The following GABRG1 variants were observed in gnomAD, a reference collection of about 807,000 sequenced individuals.
The protein encoded by GABRG1 is gamma-aminobutyric acid receptor subunit gamma-1.
A neutral mutation model predicts 49.8 loss-of-function variants in GABRG1; 49 were observed. That is an observed-to-expected ratio of 0.98 (90% CI 0.78 to 1.25). The LOEUF (loss-of-function observed/expected upper bound fraction) is 1.25. GABRG1 is among the 50% of genes most tolerant of loss of function. The pLI, the probability that GABRG1 is intolerant of heterozygous loss-of-function variation, is 0.00. For missense variants in GABRG1, 552 were observed against 552.3 expected (o/e 1.00, Z 0.01); for synonymous variants, 232 against 185.1 (o/e 1.25, Z -2.06).
intron 1 of GABRG1, among the ~76,000 whole-genome samples, chr4:46,109,007 C>A (rs1479484727): frequency 6.6e-6 from 1 of 150,890 alleles, no homozygotes; most frequent in Non-Finnish European, 1.5e-5. Context: ...ATGCTCAAAA[C>A]CCTGGATCTT....
chr4:46,082,280 G>C (rs920921333), intron 3 of GABRG1, among the ~76,000 whole-genome samples: 1 of 151,422 alleles, frequency 6.6e-6, no homozygotes, highest in Non-Finnish European at 1.5e-5. Flanking sequence ...CATTCTAAAT[G>C]GTCTTTTCTT....
intron 8 of GABRG1, among the ~76,000 whole-genome samples, chr4:46,048,738 AAATGAAAGAAAGAG>A (rs1435226316): frequency 1.0e-3 from 157 of 151,898 alleles, no homozygotes; most frequent in Admixed American, 3.0e-3. Context: ...CAAAAAAGAC[AAATGAAAGAAAGAG>A]AATGAAAGAA....
intron 5 of GABRG1, among the ~76,000 whole-genome samples, chr4:46,062,550 T>G (rs1718738046): frequency 6.6e-6 from 1 of 152,192 alleles, no homozygotes; most frequent in South Asian, 2.1e-4. Context: ...GTTTCCTGAC[T>G]TTTTAATGAT....
intron 1 of GABRG1, among the ~76,000 whole-genome samples, chr4:46,110,406 C>A (rs1437185649): frequency 2.0e-5 from 3 of 150,958 alleles, no homozygotes; most frequent in Admixed American, 1.3e-4. Context: ...GGCATTACTA[C>A]CTCTGAGACA....
chr4:46,063,885 G>A (rs531423912), intron 5 of GABRG1, among the ~76,000 whole-genome samples: 11 of 151,890 alleles, frequency 7.2e-5, no homozygotes, highest in Non-Finnish European at 7.4e-5. Flanking sequence ...GAATATACCC[G>A]GTTTTTATAC....
intron 5 of GABRG1, among the ~76,000 whole-genome samples, chr4:46,059,279 C>A (rs935442290): frequency 6.6e-6 from 1 of 152,098 alleles, no homozygotes; most frequent in African/African-American, 2.4e-5. Flanking sequence ...ATGCAATATG[C>A]AAGCATTACT....
At chr4:46,118,951 T>G (rs2109447625) in intron 1 of GABRG1, among the ~76,000 whole-genome samples, 1 of 151,528 alleles carries the variant, frequency 6.6e-6, no homozygotes, top group East Asian at 1.9e-4. Flanking sequence ...TCATATAATT[T>G]CTACTACTTG....
At chr4:46,101,893 G>A (rs1011983559) in intron 1 of GABRG1, among the ~76,000 whole-genome samples, 1 of 151,480 alleles carries the variant, frequency 6.6e-6, no homozygotes, top group African/African-American at 2.4e-5. Context: ...GTATAAAGTA[G>A]CTTAAAAGAC....
rs1224005458 is a variant in GABRG1 at position 46,036,519 on chromosome 4, G to A, written c.*4469C>T. The A allele has an allele frequency of 6.6e-6, 1 of 151,726 alleles. No individual in the cohort carries two copies. Among genetic ancestry groups the A allele is most frequent in the African/African-American group, 2.4e-5 (1 of 41,354 alleles). The allele number at this position is 151,726 out of a possible 1,614,324, so 9.4% of individuals were successfully genotyped here. On this transcript the variant is annotated 3_prime_UTR_variant, in exon 9 of 9. Transcript: ENST00000295452. ...GTATTACATTCAGAATTTCCTTATG[G>A]TGTCTTTGTACCCATCTACATGCAA...
At chr4:46,084,475 T>A (rs1719682772) in intron 2 of GABRG1, among the ~76,000 whole-genome samples, 1 of 151,618 alleles carries the variant, frequency 6.6e-6, no homozygotes, top group African/African-American at 2.4e-5. Context: ...AGGCTGAATA[T>A]CTATTCAGTC....
chr4:46,089,193 T>C (rs890745959), intron 2 of GABRG1, among the ~76,000 whole-genome samples: 4 of 151,956 alleles, frequency 2.6e-5, no homozygotes, highest in Non-Finnish European at 1.5e-5. Flanking sequence ...AGGTGGAAGA[T>C]ACAGAAGAGC....
At chr4:46,103,547 T>C (rs1006063101) in intron 1 of GABRG1, among the ~76,000 whole-genome samples, 1 of 151,494 alleles carries the variant, frequency 6.6e-6, no homozygotes, top group African/African-American at 2.4e-5. Context: ...AAAGTGGGGC[T>C]AACAATATTT....
chr4:46,117,306 C>T (rs994329441), intron 1 of GABRG1, among the ~76,000 whole-genome samples: 1 of 150,226 alleles, frequency 6.7e-6, no homozygotes, highest in African/African-American at 2.4e-5. Flanking sequence ...TAATATTTGT[C>T]TAACAAATAA....
At chr4:46,099,763 T>C (rs1720313321) in intron 1 of GABRG1, among the ~76,000 whole-genome samples, 1 of 151,644 alleles carries the variant, frequency 6.6e-6, no homozygotes, top group African/African-American at 2.4e-5. Flanking sequence ...AGCTTTCTAG[T>C]AGTCAGAGGC....
intron 7 of GABRG1, among the ~76,000 whole-genome samples, chr4:46,056,765 T>C (rs1718466889): frequency 6.6e-6 from 1 of 152,088 alleles, no homozygotes; most frequent in South Asian, 2.1e-4. Flanking sequence ...TGTCTTGCAG[T>C]GATATGTGTG....
At chr4:46,073,181 A>C (rs1719201096) in intron 3 of GABRG1, among the ~76,000 whole-genome samples, 1 of 152,056 alleles carries the variant, frequency 6.6e-6, no homozygotes, top group Admixed American at 6.6e-5. Context: ...GGGAAAGCTA[A>C]TGTAATTCCC....
chr4:46,111,479 C>A (rs765297415), intron 1 of GABRG1, among the ~76,000 whole-genome samples: 2 of 150,928 alleles, frequency 1.3e-5, no homozygotes, highest in Non-Finnish European at 3.0e-5. Flanking sequence ...TTCCATAGAA[C>A]TAGGAAAAAC....
Position 46,037,849 on chromosome 4 carries a change from C to G in GABRG1, c.*3139G>C, listed in dbSNP as rs1347525946. ...AATTTCACATTTATAACTATGGGGC[C>G]CTTGGTGTGAGAGAACTGTAGCCTA... is the stretch of plus-strand genomic sequence containing the variant. On this transcript the variant is annotated 3_prime_UTR_variant, in exon 9 of 9. Transcript: ENST00000295452. 1 of 151,274 alleles carries G rather than the reference C, an allele frequency of 6.6e-6. No homozygotes were observed. Among genetic ancestry groups the G allele is most frequent in the East Asian group, 1.9e-4 (1 of 5,148 alleles). 9.4% of individuals were successfully genotyped at this position (151,274 alleles called of 1,614,324 possible).
intron 8 of GABRG1, among the ~76,000 whole-genome samples, chr4:46,051,055 A>C (rs1337937144): frequency 6.6e-6 from 1 of 151,930 alleles, no homozygotes; most frequent in Non-Finnish European, 1.5e-5. Flanking sequence ...ACAGTTGGAC[A>C]CTACCATTAA....
Sources: allele counts gnomAD v4.1 joint callset (sites outside exome capture counted in the v4.1 genomes callset), GRCh38; gene constraint gnomAD v4.1.1; transcripts MANE v1.5; gene names NCBI Gene and HGNC (gene_info 2026-07-23, HGNC 2026-07-21).